CPLX2: variants seen among roughly 807,000 people sequenced by gnomAD.
The protein encoded by CPLX2 is complexin-2.
In CPLX2, 5 loss-of-function variants were observed where a neutral mutation model predicts 16.3. The ratio of observed to expected loss-of-function variants is 0.31; its 90% confidence interval spans 0.16 to 0.64. The LOEUF is 0.64. Ranked by LOEUF, CPLX2 falls within the 30% of genes least tolerant of loss-of-function variation. The probability of loss-of-function intolerance (pLI) is 0.79; values close to 1 mark genes in which losing one functional copy is unlikely to be tolerated. For synonymous variants in CPLX2, 89 were observed against 73.2 expected (o/e 1.22, Z -1.10); for missense variants, 144 against 181.4 (o/e 0.79, Z 1.18).
chr5:175,851,031 C>T (rs1759141218), intron 2 of CPLX2, among the ~76,000 whole-genome samples: 1 of 151,766 alleles, frequency 6.6e-6, no homozygotes, highest in Admixed American at 6.6e-5. Context: ...GGGATTTGAG[C>T]TTAAGGAACC....
At position 175,860,272 on chromosome 5, in the gene CPLX2, C is replaced by G. The variant is rs549986443; in HGVS notation, c.-88-18380C>G. 1.1e-4 allele frequency among the ~76,000 whole-genome samples: 17 copies of G among 152,124 alleles called. No individual in the cohort carries two copies. In the South Asian group the frequency reaches 3.1e-3, roughly 28 times the overall value. On this transcript the variant is annotated intron_variant, in intron 2 of 4. Coordinates refer to the CPLX2 transcript ENST00000359546. The stretch of plus-strand genomic sequence containing the variant: ...TTGGGAGGTCAAGGCAGGAGGATCA[C>G]TTGAGCCCAGGAGTTCAAGACCAGC...
chr5:175,879,833 C>G lies in CPLX2; in HGVS notation c.208-15C>G, dbSNP rs779201569. The G allele has an allele frequency of 4.4e-6, 7 of 1,604,992 alleles. No homozygotes were observed. Among genetic ancestry groups the G allele is most frequent in the Non-Finnish European group, 5.1e-6 (6 of 1,175,808 alleles). On this transcript the variant is annotated splice_polypyrimidine_tract_variant and intron_variant, in intron 3 of 3. Transcript: ENST00000393745. ...CACCCCGCTTCATGCGCGTCTCTGC[C>G]CTCCCCCTCCCCAGTATGGGCTGAA...
chr5:175,841,673 T>C (rs1229254567), intron 2 of CPLX2, among the ~76,000 whole-genome samples: 3 of 152,196 alleles, frequency 2.0e-5, no homozygotes, highest in Non-Finnish European at 4.4e-5. Flanking sequence ...AGAGGCATCC[T>C]CTCAAGTGGC....
chr5:175,808,426 G>A (rs894435510), intron 1 of CPLX2, among the ~76,000 whole-genome samples: 3 of 151,714 alleles, frequency 2.0e-5, no homozygotes, highest in Admixed American at 6.6e-5. Context: ...GTGCCCCCTA[G>A]AATCAAGCAG....
chr5:175,802,878 C>G (rs1758125719), intron 1 of CPLX2, among the ~76,000 whole-genome samples: 1 of 151,786 alleles, frequency 6.6e-6, no homozygotes, highest in African/African-American at 2.4e-5. Flanking sequence ...GTCACCCAGA[C>G]TGGAGTGCAG....
intron 2 of CPLX2, among the ~76,000 whole-genome samples, chr5:175,856,587 C>G (rs1355838477): frequency 1.3e-5 from 2 of 152,190 alleles, no homozygotes; most frequent in Non-Finnish European, 2.9e-5. Flanking sequence ...GTGTTGGGAA[C>G]ATGCAGTTAT....
At chr5:175,820,680 G>A (rs947103839) in intron 2 of CPLX2, among the ~76,000 whole-genome samples, 1 of 152,162 alleles carries the variant, frequency 6.6e-6, no homozygotes, top group African/African-American at 2.4e-5. Flanking sequence ...CACAGCCCGT[G>A]TGACTGTCTC....
chr5:175,821,277 A>G (rs1465552), intron 2 of CPLX2, among the ~76,000 whole-genome samples: 133,675 of 152,074 alleles, frequency 0.88, 58,774 homozygotes, highest in East Asian at 0.96. Flanking sequence ...CTCCCTTCTC[A>G]GGCCTCCACC....
chr5:175,860,516 A>G (rs749772783), intron 2 of CPLX2, among the ~76,000 whole-genome samples: 5 of 21,362 alleles, frequency 2.3e-4, no homozygotes, highest in Admixed American at 6.2e-4. Context: ...GAAAGAAAGA[A>G]AAAGAAAGAA....
At chr5:175,810,834 T>C (rs1243592962) in intron 2 of CPLX2, among the ~76,000 whole-genome samples, 6 of 152,248 alleles carry the variant, frequency 3.9e-5, no homozygotes, top group Admixed American at 6.5e-5. Context: ...TCTCAAAGAA[T>C]TCTAATAAAC....
chr5:175,818,519 T>C (rs970519610), intron 2 of CPLX2, among the ~76,000 whole-genome samples: 4 of 152,104 alleles, frequency 2.6e-5, no homozygotes, highest in African/African-American at 4.8e-5. Context: ...TACAGCTCAG[T>C]GAGTTTTCAC....
chr5:175,852,810 G>A (rs1317162612), intron 2 of CPLX2, among the ~76,000 whole-genome samples: 1 of 152,222 alleles, frequency 6.6e-6, no homozygotes, highest in Non-Finnish European at 1.5e-5. Flanking sequence ...GCGGGCAGGT[G>A]AAGGTGTCTC....
chr5:175,855,108 C>CTAAAGGGCA (rs553253733), intron 2 of CPLX2, among the ~76,000 whole-genome samples: 19 of 152,160 alleles, frequency 1.2e-4, no homozygotes, highest in Non-Finnish European at 2.8e-4. Context: ...TCCTGAGGAC[C>CTAAAGGGCA]TGGGGATTAA....
intron 2 of CPLX2, among the ~76,000 whole-genome samples, chr5:175,838,393 G>A (rs567625774): frequency 1.4e-4 from 21 of 150,286 alleles, no homozygotes; most frequent in African/African-American, 3.2e-4. Context: ...TCAGCCTCCC[G>A]TGTAGCAGGG....
At chr5:175,852,916 T>C (rs977278505) in intron 2 of CPLX2, among the ~76,000 whole-genome samples, 14 of 152,296 alleles carry the variant, frequency 9.2e-5, no homozygotes, top group Admixed American at 6.5e-4. Flanking sequence ...TACTGAGGAA[T>C]CTTTCAACAC....
chr5:175,854,684 A>G (rs78031089), intron 2 of CPLX2, among the ~76,000 whole-genome samples: 3,581 of 152,322 alleles, frequency 0.024, 148 homozygotes, highest in African/African-American at 0.082. Context: ...TTAAGAAGGA[A>G]AAGCCTAAAT....
intron 2 of CPLX2, among the ~76,000 whole-genome samples, chr5:175,847,352 GC>G (rs1465147668): frequency 6.6e-6 from 1 of 152,144 alleles, no homozygotes. Context: ...AGAAGCAGGG[GC>G]TGGGTCCGAG....
chr5:175,865,870 C>T (rs946182375), intron 2 of CPLX2, among the ~76,000 whole-genome samples: 1 of 152,196 alleles, frequency 6.6e-6, no homozygotes, highest in Admixed American at 6.5e-5. Context: ...AATTTTTTAA[C>T]AAGTCCCCCA....
At chr5:175,839,919 C>T (rs1758916723) in intron 2 of CPLX2, among the ~76,000 whole-genome samples, 1 of 152,158 alleles carries the variant, frequency 6.6e-6, no homozygotes, top group Non-Finnish European at 1.5e-5. Flanking sequence ...CCAAATGTGG[C>T]ATTTTAAAGA....
Sources: gnomAD v4.1 joint callset for allele counts (sites outside exome capture counted in the v4.1 genomes callset) on GRCh38, gnomAD v4.1.1 for gene constraint, MANE v1.5 for transcripts, NCBI Gene and HGNC (gene_info 2026-07-23, HGNC 2026-07-21) for gene names.